The following DYNC2LI1 variants were observed in gnomAD, a reference collection of about 807,000 sequenced individuals.
DYNC2LI1 encodes cytoplasmic dynein 2 light intermediate chain 1.
Under a neutral mutation model 51.9 loss-of-function variants are expected in DYNC2LI1, and 45 were observed. That is an observed-to-expected ratio of 0.87 (90% CI 0.68 to 1.11). The LOEUF (loss-of-function observed/expected upper bound fraction) is 1.11. Ranked by LOEUF, DYNC2LI1 falls within the 50% of genes most tolerant of loss-of-function variation. DYNC2LI1 has a pLI of 0.00. For synonymous variants in DYNC2LI1, 130 were observed against 137.8 expected (o/e 0.94, Z 0.40); for missense variants, 490 against 417.4 (o/e 1.17, Z -1.51).
chr2:43,815,211 C>T, the DYNC2LI1 span, among the ~76,000 whole-genome samples: 1 of 152,182 alleles, frequency 6.6e-6, no homozygotes, highest in East Asian at 1.9e-4. Flanking sequence ...AATATGTCTC[C>T]TCTCCAATCT....
chr2:43,820,211 G>T, the DYNC2LI1 span: 1 of 1,299,338 alleles, frequency 7.7e-7, no homozygotes, highest in African/African-American at 1.5e-5. Context: ...GGAGAAGTTT[G>T]CAGGGCAAGC....
At chr2:43,813,535 A>G (rs1666599200), downstream of DYNC2LI1, among the ~76,000 whole-genome samples, 1 of 152,058 alleles carries the variant, frequency 6.6e-6, no homozygotes, top group Non-Finnish European at 1.5e-5. Flanking sequence ...TCATTACCAT[A>G]TTTGTGATAA....
Position 43,776,810 on chromosome 2 carries a change from G to C in DYNC2LI1, c.37G>C (p.Glu13Gln), listed in dbSNP as rs375411429. 125 of 1,591,538 alleles carry C rather than the reference G, an allele frequency of 7.9e-5. No individual in the cohort carries two copies. Among genetic ancestry groups the C allele is most frequent in the Non-Finnish European group, 1.0e-4 (117 of 1,169,158 alleles). The change falls in exon 2 of 13, where the codon GAA (glutamate) becomes CAA (glutamine). Residue 13 changes from glutamate (E) to glutamine (Q), a missense_variant. Physicochemically the swap from Glu to Gln is conservative, Grantham distance 29. Coordinates refer to ENST00000260605, the MANE Select transcript of DYNC2LI1 (RefSeq NM_016008.4). ...AACTCTCTGGGAAATTGCAAAAGCT[G>C]AAGTGGAAAAAAGGGGAATTAATGG... ...SETLWEIAKA[E>Q]VEKRGINGSE... is the part of the protein sequence containing the mutation.
intron 1 of DYNC2LI1, among the ~76,000 whole-genome samples, chr2:43,775,548 G>A (rs1300511078): frequency 1.3e-5 from 2 of 151,602 alleles, no homozygotes; most frequent in Non-Finnish European, 2.9e-5. Flanking sequence ...ACCCAGGCTG[G>A]AGTGCAGTGA....
intron 4 of DYNC2LI1, among the ~76,000 whole-genome samples, chr2:43,788,120 A>G (rs910433319): frequency 6.6e-6 from 1 of 152,232 alleles, no homozygotes; most frequent in African/African-American, 2.4e-5. Context: ...TATGCTTTTC[A>G]TTGGAAACTT....
At chr2:43,808,772 AT>A (rs1323716577) in intron 12 of DYNC2LI1, among the ~76,000 whole-genome samples, 2 of 151,952 alleles carry the variant, frequency 1.3e-5, no homozygotes, top group Non-Finnish European at 2.9e-5. Flanking sequence ...GGCCACTGTT[AT>A]TTTTGCTGGC....
intron 2 of DYNC2LI1, among the ~76,000 whole-genome samples, chr2:43,779,844 T>G (rs1038979123): frequency 4.6e-5 from 7 of 152,218 alleles, no homozygotes; most frequent in Non-Finnish European, 8.8e-5. Flanking sequence ...GATGTTAGTT[T>G]GATACTAATC....
intron 4 of DYNC2LI1, among the ~76,000 whole-genome samples, chr2:43,787,789 A>G (rs900095152): frequency 6.6e-6 from 1 of 152,114 alleles, no homozygotes; most frequent in Non-Finnish European, 1.5e-5. Context: ...GGAATTCCTA[A>G]ATAGAATCTT....
At position 43,776,793 on chromosome 2, in the gene DYNC2LI1, G is replaced by T; in HGVS notation, c.20G>T (p.Trp7Leu). Reference protein sequence around the residue: MPSETLWEIAKAEVEKR... With the variant: MPSETLLEIAKAEVEKR... ...TGCCTCTCATGTAGTGAAACTCTCT[G>T]GGAAATTGCAAAAGCTGAAGTGGAA... The change falls in exon 2 of 13, where the codon TGG becomes TTG. Residue 7 changes from tryptophan (W) to leucine (L), a missense_variant. By Grantham distance (61) the Trp-to-Leu change is moderately conservative. Coordinates refer to ENST00000260605, the MANE Select transcript of DYNC2LI1 (RefSeq NM_016008.4). The T allele has an allele frequency of 6.3e-7, 1 of 1,576,648 alleles. No individual in the cohort carries two copies. Among genetic ancestry groups the T allele is most frequent in the South Asian group, 1.2e-5 (1 of 85,266 alleles).
the DYNC2LI1 span, chr2:43,819,994 C>T: frequency 6.8e-5 from 110 of 1,614,126 alleles, no homozygotes; most frequent in Admixed American, 2.7e-4. Flanking sequence ...GGATTTTGGA[C>T]GATACCAAGT....
downstream of DYNC2LI1, chr2:43,812,671 A>G (rs889829646): frequency 1.0e-5 from 2 of 195,638 alleles, no homozygotes; most frequent in Non-Finnish European, 2.1e-5. Context: ...TCTGCATGAT[A>G]ACCTTGCTTC....
Position 43,789,731 on chromosome 2 carries a change from C to A in DYNC2LI1, c.320+10C>A. The A allele has an allele frequency of 6.2e-7, 1 of 1,609,602 alleles. No individual in the cohort carries two copies. Among genetic ancestry groups the A allele is most frequent in the South Asian group, 1.1e-5 (1 of 90,262 alleles). On this transcript the variant is annotated intron_variant, in intron 5 of 12. Coordinates refer to ENST00000260605, the MANE Select transcript of DYNC2LI1 (RefSeq NM_016008.4). ...CAGGTGACACCTTACGGTAAGTGAGCCAGCTCCAGGAAAACCTGTAAGTAC... is the reference window on the plus strand; with the variant it reads ...CAGGTGACACCTTACGGTAAGTGAGACAGCTCCAGGAAAACCTGTAAGTAC...
chr2:43,805,902 A>G (rs1666235847), intron 12 of DYNC2LI1, among the ~76,000 whole-genome samples: 1 of 150,722 alleles, frequency 6.6e-6, no homozygotes, highest in African/African-American at 2.5e-5. Flanking sequence ...TTTTTTTTTA[A>G]GACGAGTCTC....
intron 12 of DYNC2LI1, among the ~76,000 whole-genome samples, chr2:43,806,530 A>G (rs1666261911): frequency 6.6e-6 from 1 of 152,242 alleles, no homozygotes; most frequent in Non-Finnish European, 1.5e-5. Flanking sequence ...TTGTAGAAAC[A>G]GGAAAATGAC....
chr2:43,813,383 G>T (rs1394932671), downstream of DYNC2LI1: 10 of 1,065,394 alleles, frequency 9.4e-6, 1 homozygote, highest in East Asian at 2.5e-4. Context: ...TTTACCAAGC[G>T]CTTGCTAAGT....
chr2:43,774,981 T>G (rs946207131), intron 1 of DYNC2LI1, among the ~76,000 whole-genome samples: 2 of 152,212 alleles, frequency 1.3e-5, no homozygotes, highest in African/African-American at 2.4e-5. Flanking sequence ...TGCATGAATT[T>G]TAGTGCAAAC....
At chr2:43,825,160 G>T in the DYNC2LI1 span, 1 of 1,008,186 alleles carries the variant, frequency 9.9e-7, no homozygotes, top group Non-Finnish European at 1.5e-6. Context: ...TTTCCCATAA[G>T]CAGTCAGTCC....
At chr2:43,810,045 A>G, downstream of DYNC2LI1, 1 of 810,262 alleles carries the variant, frequency 1.2e-6, no homozygotes, top group Non-Finnish European at 1.6e-6. Flanking sequence ...TTCAGCATGT[A>G]TAAGTTTCTG....
the DYNC2LI1 span, among the ~76,000 whole-genome samples, chr2:43,816,496 G>A: frequency 6.6e-6 from 1 of 152,216 alleles, no homozygotes; most frequent in Non-Finnish European, 1.5e-5. Context: ...AGGAACCATA[G>A]ATCTGGATGT....
Sources: allele counts gnomAD v4.1 joint callset (sites outside exome capture counted in the v4.1 genomes callset), GRCh38; gene constraint gnomAD v4.1.1; transcripts MANE v1.5; gene names NCBI Gene and HGNC (gene_info 2026-07-23, HGNC 2026-07-21).